FGD1: variants seen among roughly 807,000 people sequenced by gnomAD.
FGD1 encodes the protein FYVE, RhoGEF and PH domain containing 1.
Under a neutral mutation model 65.0 loss-of-function variants are expected in FGD1, and 12 were observed. The ratio of observed to expected loss-of-function variants is 0.18; its 90% confidence interval spans 0.12 to 0.30. FGD1 has a LOEUF of 0.30. Ranked by LOEUF, FGD1 falls within the 10% of genes least tolerant of loss-of-function variation. FGD1 has a pLI of 1.00. For missense variants in FGD1, 542 were observed against 837.6 expected, an observed-to-expected ratio of 0.65 and a Z score of 4.36; for synonymous variants, 333 against 343.9, an observed-to-expected ratio of 0.97 and a Z score of 0.35.
intron 12 of FGD1, among the ~76,000 whole-genome samples, chrX:54,451,643 C>T (rs1922380391): frequency 9.3e-6 from 1 of 107,334 alleles, no homozygotes; most frequent in African/African-American, 3.4e-5. Flanking sequence ...CGGCTCATGC[C>T]TGTAATCCCA....
chrX:54,449,966 G>A (rs1339592040), intron 13 of FGD1, among the ~76,000 whole-genome samples: 1 of 111,019 alleles, frequency 9.0e-6, no homozygotes, highest in Non-Finnish European at 1.9e-5. Flanking sequence ...GGGAGGGGGA[G>A]TGGTGGCTGA....
chrX:54,492,673 A>G (rs1001477920), intron 1 of FGD1, among the ~76,000 whole-genome samples: 3 of 111,889 alleles, frequency 2.7e-5, no homozygotes, highest in Non-Finnish European at 5.6e-5. Flanking sequence ...CTTCTTCAGA[A>G]GGTTTTTCTC....
At chrX:54,450,652 A>G (rs1174713681) in intron 12 of FGD1, among the ~76,000 whole-genome samples, 2 of 111,208 alleles carry the variant, frequency 1.8e-5, no homozygotes, top group Non-Finnish European at 3.8e-5. Flanking sequence ...CCCCAGTCTG[A>G]AGTTTGGGTG....
chrX:54,469,085 C>T (rs1569541249), intron 4 of FGD1, among the ~76,000 whole-genome samples: 1 of 111,115 alleles, frequency 9.0e-6, no homozygotes, highest in East Asian at 2.8e-4. Context: ...ATTCTGATGA[C>T]GTGCACTCCC....
At chrX:54,483,502 G>T (rs1362602876) in intron 1 of FGD1, among the ~76,000 whole-genome samples, 1 of 112,700 alleles carries the variant, frequency 8.9e-6, no homozygotes, top group African/African-American at 3.2e-5. Context: ...CTTTCCACAG[G>T]CGCCTTCCCT....
intron 1 of FGD1, among the ~76,000 whole-genome samples, chrX:54,487,818 CGG>C (rs1569541478): frequency 4.6e-5 from 5 of 109,764 alleles, no homozygotes; most frequent in African/African-American, 1.7e-4. Context: ...AGCATGGTGG[CGG>C]GCGCCTGTAA....
Position 54,455,798 on chromosome X carries a change from A to G in FGD1, c.1843-14T>C, listed in dbSNP as rs1318030799. 1 of 1,156,861 alleles carries G rather than the reference A, an allele frequency of 8.6e-7. No individual in the cohort carries two copies. The highest frequency in any genetic ancestry group is 2.5e-5 in the Admixed American group (1 of 39,709). On this transcript the variant is annotated splice_polypyrimidine_tract_variant and intron_variant, in intron 10 of 17. Coordinates refer to ENST00000375135, the MANE Select transcript of FGD1 (RefSeq NM_004463.3). The stretch of plus-strand genomic sequence containing the variant: ...GCGGTCGTTGAACTAGGAAGGAAAA[A>G]GTTTGGGATGTATGTGCAGAGGGCC...
intron 8 of FGD1, among the ~76,000 whole-genome samples, chrX:54,460,698 G>A (rs1253399450): frequency 6.3e-5 from 7 of 111,936 alleles, no homozygotes; most frequent in South Asian, 3.6e-4. Context: ...CGGAGATCGC[G>A]CCACTGCAGT....
At chrX:54,458,396 C>A (rs982210039) in intron 8 of FGD1, among the ~76,000 whole-genome samples, 2 of 110,166 alleles carry the variant, frequency 1.8e-5, no homozygotes, top group African/African-American at 6.6e-5. Flanking sequence ...TAAAAATTCG[C>A]CAGGCGTGGT....
intron 1 of FGD1, among the ~76,000 whole-genome samples, chrX:54,475,189 T>C (rs764050169): frequency 1.3e-4 from 15 of 112,045 alleles, no homozygotes; most frequent in Admixed American, 8.5e-4. Flanking sequence ...CTGAATGAAA[T>C]GCAAAGATTC....
rs773352370 is a variant in FGD1 at position 54,494,717 on chromosome X, A to G, written c.307+409T>C. Among the ~76,000 whole-genome samples the G allele has an allele frequency of 2.7e-5, 3 of 111,449 alleles. No individual in the cohort carries two copies. In the East Asian group the frequency reaches 8.5e-4, roughly 32 times the overall value. ...AAAATCCATGTAAAGCACCCAGTCC[A>G]GTGCCTGGTACAATGTAGGCGCTTG... On this transcript the variant is annotated intron_variant, in intron 1 of 17. Transcript: ENST00000375135.
At chrX:54,480,446 C>G (rs1033871513) in intron 1 of FGD1, among the ~76,000 whole-genome samples, 1 of 110,793 alleles carries the variant, frequency 9.0e-6, no homozygotes, top group Non-Finnish European at 1.9e-5. Flanking sequence ...AAGTGCAGAC[C>G]CTAGTATAAA....
At chrX:54,450,382 T>C (rs1922349521) in intron 12 of FGD1, 81 bp from the exon 13 acceptor site, 3 of 990,645 alleles carry the variant, frequency 3.0e-6, no homozygotes, top group Admixed American at 2.2e-5. Flanking sequence ...GCAGGTGTTT[T>C]GGAGTCAGAA....
intron 1 of FGD1, among the ~76,000 whole-genome samples, chrX:54,489,517 G>A (rs903419540): frequency 5.4e-5 from 6 of 110,826 alleles, no homozygotes; most frequent in African/African-American, 2.0e-4. Flanking sequence ...CCTGGGAGGC[G>A]GAGGTTGCAG....
At chrX:54,481,352 G>A (rs939593517) in intron 1 of FGD1, among the ~76,000 whole-genome samples, 1 of 105,616 alleles carries the variant, frequency 9.5e-6, no homozygotes, top group African/African-American at 3.5e-5. Flanking sequence ...AGAAATCTCT[G>A]GAACTCAAGC....
At chrX:54,486,144 T>A (rs1923269832) in intron 1 of FGD1, among the ~76,000 whole-genome samples, 1 of 111,201 alleles carries the variant, frequency 9.0e-6, no homozygotes, top group African/African-American at 3.3e-5. Context: ...TGGAGCGCAG[T>A]GGCACAATCT....
chrX:54,450,857 C>T (rs747940265), intron 12 of FGD1, among the ~76,000 whole-genome samples: 1 of 110,712 alleles, frequency 9.0e-6, no homozygotes, highest in Admixed American at 9.6e-5. Flanking sequence ...GAGACCAGCC[C>T]GGCCAACATG....
Position 54,465,870 on chromosome X carries a change from G to A in FGD1, c.1341-18C>T, listed in dbSNP as rs758191108. ...AGCGGTCCCTGGGGTGGAATTAGGG[G>A]CTGATGTGGTCCTGCTGCTCTTTGC... On this transcript the variant is annotated intron_variant, in intron 6 of 17. Coordinates refer to ENST00000375135, the MANE Select transcript of FGD1 (RefSeq NM_004463.3). 1 of 1,210,363 alleles carries A rather than the reference G, an allele frequency of 8.3e-7. No homozygotes were observed.
intron 1 of FGD1, among the ~76,000 whole-genome samples, chrX:54,486,240 C>T (rs1431436027): frequency 9.3e-6 from 1 of 107,091 alleles, no homozygotes; most frequent in Admixed American, 9.8e-5. Context: ...GCATGTGCCA[C>T]CATACCTGGA....
Sources: gnomAD v4.1 joint callset for allele counts (sites outside exome capture counted in the v4.1 genomes callset) on GRCh38, gnomAD v4.1.1 for gene constraint, MANE v1.5 for transcripts, NCBI Gene and HGNC (gene_info 2026-07-23, HGNC 2026-07-21) for gene names.